ASB5: variants seen among roughly 807,000 people sequenced by gnomAD.
The protein encoded by ASB5 is ankyrin repeat and SOCS box containing 5.
ASB5 carries 45 observed loss-of-function variants against 42.1 expected under a neutral mutation model. The observed-to-expected ratio is 1.07, with a 90% CI of 0.84 to 1.37. ASB5 has a LOEUF of 1.37. Among genes scored for constraint, ASB5 ranks in the 40% most tolerant of loss-of-function variants. The pLI is 0.00. For missense variants in ASB5, 402 were observed against 399.8 expected (o/e 1.01, Z -0.05); for synonymous variants, 147 against 150.6 (o/e 0.98, Z 0.18).
chr4:176,230,740 T>A (rs982191511), intron 1 of ASB5, among the ~76,000 whole-genome samples: 12 of 152,208 alleles, frequency 7.9e-5, no homozygotes, highest in Non-Finnish European at 4.4e-5. Flanking sequence ...TCAATATCAA[T>A]ATGCTTTATA....
chr4:176,226,280 C>G (rs1260270018), intron 1 of ASB5, among the ~76,000 whole-genome samples: 1 of 152,162 alleles, frequency 6.6e-6, no homozygotes, highest in African/African-American at 2.4e-5. Context: ...CGAGTTGGGA[C>G]ACTCTCCTCC....
In ASB5 at chr4:176,262,177, T is replaced by C. The variant is rs572648037; in HGVS notation, c.196+6736A>G. ...AGTTAAGACCTAGTTTTCATTCCTT[T>C]TCTATCTTTACTATGTAAAAAATTT... On this transcript the variant is annotated intron_variant, in intron 1 of 6. Coordinates refer to ENST00000296525, the MANE Select transcript of ASB5 (RefSeq NM_080874.4). Among the ~76,000 whole-genome samples the C allele has an allele frequency of 2.6e-5, 4 of 152,324 alleles. No individual in the cohort carries two copies. In the South Asian group the frequency reaches 8.3e-4, roughly 32 times the overall value.
rs1362900811 is a variant in ASB5 at position 176,217,003 on chromosome 4, T to A, written c.677A>T (p.Asp226Val). ...ATCCCAATATTTGCCTTTCTGTACG[T>A]CAGCACCTACATGTAATACGGAGTG... ...CIWKLLYAGA[D>V]VQKGKYWDTP... Residue 226 changes from aspartate (D) to valine (V), a missense_variant, in exon 6 of 7, where the codon GAC becomes GTC. By Grantham distance (152) the Asp-to-Val change is radical. Transcript: ENST00000296525. The A allele has an allele frequency of 6.2e-7, 1 of 1,603,654 alleles. No individual in the cohort carries two copies. The highest frequency in any genetic ancestry group is 8.5e-7 in the Non-Finnish European group (1 of 1,175,726).
intron 1 of ASB5, among the ~76,000 whole-genome samples, chr4:176,249,837 G>T (rs1393638378): frequency 6.6e-6 from 1 of 151,828 alleles, no homozygotes; most frequent in Non-Finnish European, 1.5e-5. Context: ...AGGCCGAGGC[G>T]GGTGGATCAC....
chr4:176,227,777 C>T (rs77345052), intron 1 of ASB5, among the ~76,000 whole-genome samples: 236 of 152,218 alleles, frequency 1.6e-3, no homozygotes, highest in African/African-American at 5.2e-3. Flanking sequence ...AGATAGCAAT[C>T]CTATCTCTCA....
At chr4:176,268,345 C>G (rs1754399559) in intron 1 of ASB5, among the ~76,000 whole-genome samples, 1 of 152,112 alleles carries the variant, frequency 6.6e-6, no homozygotes, top group African/African-American at 2.4e-5. Flanking sequence ...ACAAACTGAG[C>G]TGAGCAGTAA....
At chr4:176,255,142 CAA>C (rs1754129941) in intron 1 of ASB5, among the ~76,000 whole-genome samples, 1 of 152,032 alleles carries the variant, frequency 6.6e-6, no homozygotes, top group African/African-American at 2.4e-5. Context: ...AAGAAACAAA[CAA>C]ACAAACAAAA....
chr4:176,226,882 C>CT (rs1753395576), intron 1 of ASB5, among the ~76,000 whole-genome samples: 1 of 152,220 alleles, frequency 6.6e-6, no homozygotes, highest in Non-Finnish European at 1.5e-5. Context: ...AGCCCCGCGT[C>CT]TGAAGTGAAG....
intron 1 of ASB5, among the ~76,000 whole-genome samples, chr4:176,247,655 A>C (rs1753937975): frequency 6.6e-6 from 1 of 152,216 alleles, no homozygotes; most frequent in Non-Finnish European, 1.5e-5. Context: ...ACACCATACA[A>C]AAAATTAAAT....
Position 176,253,340 on chromosome 4 carries a change from G to A in ASB5, c.196+15573C>T, listed in dbSNP as rs78290164. On this transcript the variant is annotated intron_variant, in intron 1 of 6. Coordinates refer to ENST00000296525, the MANE Select transcript of ASB5 (RefSeq NM_080874.4). ...TATACACAATTTATAAAGCACAACA[G>A]TGCACACATTCTGGTAAACTTTTTG... Among the ~76,000 whole-genome samples the A allele has an allele frequency of 8.0e-3, 1,213 of 152,266 alleles. 22 individuals carry two copies. Among genetic ancestry groups the A allele is most frequent in the African/African-American group, 0.028 (1,145 of 41,546 alleles).
At position 176,221,601 on chromosome 4, in the gene ASB5, C is replaced by T; in HGVS notation, c.385-1G>A. Reference sequence around the variant, plus strand: ...CGCCATCTATCGTGATTGCATTTACCTAAACCAAACCAAAATATCCAAACA... The same window carrying T: ...CGCCATCTATCGTGATTGCATTTACTTAAACCAAACCAAAATATCCAAACA... On this transcript the variant is annotated splice_acceptor_variant, in intron 3 of 6. Coordinates refer to ENST00000296525, the MANE Select transcript of ASB5 (RefSeq NM_080874.4). LOFTEE classifies it high-confidence loss of function. The T allele has an allele frequency of 6.2e-7, 1 of 1,602,886 alleles. No individual in the cohort carries two copies. Among genetic ancestry groups the T allele is most frequent in the Non-Finnish European group, 8.5e-7 (1 of 1,173,196 alleles).
intron 5 of ASB5, among the ~76,000 whole-genome samples, chr4:176,220,865 G>A (rs1013615412): frequency 7.2e-5 from 11 of 152,190 alleles, no homozygotes; most frequent in Admixed American, 2.6e-4. Flanking sequence ...TAAAAGTAGA[G>A]CTTTCAGAAT....
chr4:176,277,435 T>A (rs1469103798), exon 1 of ASB5: 1 of 152,098 alleles, frequency 6.6e-6, no homozygotes, highest in Non-Finnish European at 1.5e-5. Flanking sequence ...TTGCAGCAAG[T>A]AAAATACCCA....
At chr4:176,222,202 T>C in intron 3 of ASB5, 111 bp downstream of exon 3, 1 of 937,580 alleles carries the variant, frequency 1.1e-6, no homozygotes, top group Non-Finnish European at 1.6e-6. Context: ...ATTTTTATTC[T>C]GCTATTTTTG....
intron 1 of ASB5, among the ~76,000 whole-genome samples, chr4:176,234,868 T>G (rs147268329): frequency 6.6e-6 from 1 of 152,342 alleles, no homozygotes; most frequent in Non-Finnish European, 1.5e-5. Context: ...CTAGTTGTTC[T>G]AAGGGTTACA....
At chr4:176,227,920 C>T (rs137992544) in intron 1 of ASB5, among the ~76,000 whole-genome samples, 26 of 152,186 alleles carry the variant, frequency 1.7e-4, no homozygotes, top group Middle Eastern at 3.4e-3. Flanking sequence ...ACACCCCCTC[C>T]AAAATAAAAC....
In ASB5 at chr4:176,229,114, T is replaced by C. The variant is rs575923293; in HGVS notation, c.197-3773A>G. On this transcript the variant is annotated intron_variant, in intron 1 of 6. Transcript: ENST00000296525. ...GTGTTTAAATTTAAATAACCACTTA[T>C]AATATTTATAATGATCAGTTTCCCT... Among the ~76,000 whole-genome samples the C allele has an allele frequency of 5.9e-5, 9 of 152,346 alleles. No individual in the cohort carries two copies. The South Asian group carries it at 1.0e-3, about 18-fold the overall frequency.
At chr4:176,245,043 G>C (rs1414934327) in intron 1 of ASB5, among the ~76,000 whole-genome samples, 1 of 152,182 alleles carries the variant, frequency 6.6e-6, no homozygotes, top group African/African-American at 2.4e-5. Flanking sequence ...CCTAAAGCCA[G>C]CTCTTCAGGA....
At chr4:176,273,669 C>A (rs1202431501), upstream of ASB5, among the ~76,000 whole-genome samples, 1 of 152,210 alleles carries the variant, frequency 6.6e-6, no homozygotes, top group African/African-American at 2.4e-5. Flanking sequence ...AACAGCCTTT[C>A]TCCTAAAAAT....
Sources: allele counts gnomAD v4.1 joint callset (sites outside exome capture counted in the v4.1 genomes callset), GRCh38; gene constraint gnomAD v4.1.1; transcripts MANE v1.5; gene names NCBI Gene and HGNC (gene_info 2026-07-23, HGNC 2026-07-21).